The following KAZN variants were observed in gnomAD, a reference collection of about 807,000 sequenced individuals.
KAZN encodes kazrin.
In KAZN, 40 loss-of-function variants were observed where a neutral mutation model predicts 87.4. That is an observed-to-expected ratio of 0.46 (90% CI 0.36 to 0.60). KAZN has a LOEUF of 0.60. KAZN is among the 20% of genes least tolerant of loss of function. The probability of loss-of-function intolerance (pLI) is 0.00; values close to 1 mark genes in which losing one functional copy is unlikely to be tolerated. For missense variants in KAZN, 898 were observed against 1,073.9 expected, an observed-to-expected ratio of 0.84 and a Z score of 2.29; for synonymous variants, 466 against 458.3, an observed-to-expected ratio of 1.02 and a Z score of -0.22.
Position 14,247,322 on chromosome 1 carries a change from A to G in KAZN, c.249+66730A>G, listed in dbSNP as rs555907694. The stretch of plus-strand genomic sequence containing the variant: ...AGAAAAACAAGCTATCTGGGGGACA[A>G]TGTGCCAGAAGAGATGGTTACACTA... On this transcript the variant is annotated intron_variant, in intron 2 of 16. Coordinates refer to the KAZN transcript ENST00000636203. Among the ~76,000 whole-genome samples the G allele has an allele frequency of 7.2e-5, 11 of 152,328 alleles. No individual in the cohort carries two copies. The South Asian group carries it at 2.3e-3, about 32-fold the overall frequency.
intron 1 of KAZN, among the ~76,000 whole-genome samples, chr1:14,959,991 C>G (rs973215772): frequency 1.3e-5 from 2 of 152,190 alleles, no homozygotes; most frequent in Non-Finnish European, 2.9e-5. Flanking sequence ...GCTGCAGAAA[C>G]CTCTGCCCAC....
intron 2 of KAZN, among the ~76,000 whole-genome samples, chr1:14,993,283 C>T (rs894148032): frequency 2.6e-5 from 4 of 151,632 alleles, no homozygotes; most frequent in Admixed American, 2.6e-4. Flanking sequence ...GCCTGACCAA[C>T]ATGGCGAAAC....
intron 1 of KAZN, among the ~76,000 whole-genome samples, chr1:14,906,933 C>G (rs1656653471): frequency 1.3e-5 from 2 of 151,856 alleles, no homozygotes. Flanking sequence ...AGCTTTTGCA[C>G]TGGAGCAGTG....
intron 2 of KAZN, among the ~76,000 whole-genome samples, chr1:14,398,151 A>G (rs1157017049): frequency 6.6e-6 from 1 of 152,220 alleles, no homozygotes; most frequent in Non-Finnish European, 1.5e-5. Context: ...TCATGAGTTA[A>G]ATGATTCTGG....
At chr1:14,019,523 C>T (rs7515012) in intron 1 of KAZN, among the ~76,000 whole-genome samples, 31,539 of 152,072 alleles carry the variant, frequency 0.21, 3,923 homozygotes, top group African/African-American at 0.33. Flanking sequence ...ATCCAGGTCC[C>T]CTTTCCTCCA....
chr1:15,065,189 C>T (rs139007776), intron 7 of KAZN, among the ~76,000 whole-genome samples: 114 of 152,030 alleles, frequency 7.5e-4, no homozygotes, highest in African/African-American at 2.6e-3. Context: ...TCACCACATC[C>T]GGCTAATTTT....
chr1:14,228,808 C>T (rs1571077683), intron 2 of KAZN, among the ~76,000 whole-genome samples: 2 of 152,320 alleles, frequency 1.3e-5, no homozygotes, highest in Middle Eastern at 3.4e-3. Context: ...GACATCAGTC[C>T]GGGCCTACTC....
At position 14,470,269 on chromosome 1, in the gene KAZN, AG is replaced by A. The variant is rs551515224; in HGVS notation, c.250-128713del. Among the ~76,000 whole-genome samples, 633 of 152,342 alleles carry A rather than the reference AG, an allele frequency of 4.2e-3. 4 individuals carry two copies. The highest frequency in any genetic ancestry group is 0.013 in the African/African-American group (558 of 41,586). On this transcript the variant is annotated intron_variant, in intron 2 of 16. Coordinates refer to the KAZN transcript ENST00000636203. ...CAACTAGACTGATAAAACATGAAGC[AG>A]CCTCCTTAGAAGAGGTGTTTTCACG...
chr1:15,091,396 G>A (rs1306803777), intron 8 of KAZN, among the ~76,000 whole-genome samples: 1 of 152,192 alleles, frequency 6.6e-6, no homozygotes, highest in Non-Finnish European at 1.5e-5. Flanking sequence ...CCAGACTGGA[G>A]TGCAGTGGCA....
intron 1 of KAZN, among the ~76,000 whole-genome samples, chr1:14,041,022 T>C (rs889880758): frequency 1.3e-5 from 2 of 152,202 alleles, no homozygotes; most frequent in African/African-American, 4.8e-5. Context: ...GAAAGGCTTC[T>C]GACGGAAAAC....
chr1:14,138,212 C>T (rs542790977), intron 1 of KAZN, among the ~76,000 whole-genome samples: 1 of 152,102 alleles, frequency 6.6e-6, no homozygotes, highest in East Asian at 1.9e-4. Context: ...AACAGGAAGT[C>T]CTGAGGCAGG....
intron 2 of KAZN, among the ~76,000 whole-genome samples, chr1:14,513,288 TCTCCGA>T (rs1671015484): frequency 1.3e-5 from 2 of 152,198 alleles, no homozygotes; most frequent in Non-Finnish European, 1.5e-5. Context: ...TTGGGAGGTT[TCTCCGA>T]CTCCCACAGT....
intron 2 of KAZN, among the ~76,000 whole-genome samples, chr1:14,242,375 G>C (rs1460163719): frequency 1.3e-5 from 2 of 152,192 alleles, no homozygotes; most frequent in Non-Finnish European, 1.5e-5. Flanking sequence ...AGCCCAGCCA[G>C]TGTTAAAAAT....
intron 1 of KAZN, among the ~76,000 whole-genome samples, chr1:14,833,101 C>T (rs1476728693): frequency 6.6e-6 from 1 of 152,142 alleles, no homozygotes; most frequent in African/African-American, 2.4e-5. Context: ...ATAGAAGAAG[C>T]TTGCCAACCC....
In KAZN at chr1:14,566,247, G is replaced by A. The variant is rs578209268; in HGVS notation, c.250-32736G>A. On this transcript the variant is annotated intron_variant, in intron 2 of 16. Transcript: ENST00000636203. ...AATCTCCTTGTATGTCCCCATCAAA[G>A]CTCTTGAATAGTTAGGTGCCTTGTC... is the stretch of plus-strand genomic sequence containing the variant. Among the ~76,000 whole-genome samples the A allele has an allele frequency of 3.2e-4, 48 of 152,328 alleles. No individual in the cohort carries two copies. In the South Asian group the frequency reaches 3.5e-3, roughly 11 times the overall value.
chr1:14,040,762 C>G (rs961662030), intron 1 of KAZN, among the ~76,000 whole-genome samples: 2 of 120,258 alleles, frequency 1.7e-5, no homozygotes, highest in African/African-American at 5.1e-5. Flanking sequence ...GAGACTTCAT[C>G]TCAAAAAAAT....
intron 1 of KAZN, among the ~76,000 whole-genome samples, chr1:14,094,868 A>G (rs1644091753): frequency 6.6e-6 from 1 of 152,204 alleles, no homozygotes; most frequent in African/African-American, 2.4e-5. Flanking sequence ...GGTGGAATGC[A>G]GCTCTGTTTC....
chr1:14,932,089 G>A lies in KAZN; in HGVS notation c.227-28595G>A, dbSNP rs1205559948. The stretch of plus-strand genomic sequence containing the variant: ...TGCCCACCAGCACCCCGTGTTTCCC[G>A]TTCACCCTGAATTCCTGGCTCCTTG... On this transcript the variant is annotated intron_variant, in intron 1 of 14. Transcript: ENST00000376030. Among the ~76,000 whole-genome samples the A allele has an allele frequency of 2.6e-5, 4 of 152,248 alleles. No homozygotes were observed. In the South Asian group the frequency reaches 6.2e-4, roughly 24 times the overall value.
At chr1:14,974,601 AC>A (rs1327768803) in intron 2 of KAZN, among the ~76,000 whole-genome samples, 3 of 152,200 alleles carry the variant, frequency 2.0e-5, no homozygotes, top group Non-Finnish European at 4.4e-5. Flanking sequence ...AAATAAACAA[AC>A]TGGTAATATT....
Sources: allele counts gnomAD v4.1 joint callset (sites outside exome capture counted in the v4.1 genomes callset), GRCh38; gene constraint gnomAD v4.1.1; transcripts MANE v1.5; gene names NCBI Gene and HGNC (gene_info 2026-07-23, HGNC 2026-07-21).